The following NAF1 variants were observed in gnomAD, a reference collection of about 807,000 sequenced individuals.
The protein encoded by NAF1 is H/ACA ribonucleoprotein complex non-core subunit NAF1.
Under a neutral mutation model 40.6 loss-of-function variants are expected in NAF1, and 11 were observed. The ratio of observed to expected loss-of-function variants is 0.27; its 90% CI spans 0.17 to 0.45. The LOEUF (loss-of-function observed/expected upper bound fraction) is 0.45, where lower values mean the gene tolerates loss of function less well. NAF1 is among the 20% of genes least tolerant of loss of function. NAF1 has a pLI of 1.00. For missense variants in NAF1, 607 were observed against 611.1 expected (o/e 0.99, Z 0.07); for synonymous variants, 260 against 228.5 (o/e 1.14, Z -1.24).
chr4:163,117,742 C>T (rs1730392814), intron 2 of NAF1, among the ~76,000 whole-genome samples: 1 of 147,386 alleles, frequency 6.8e-6, no homozygotes, highest in African/African-American at 2.6e-5. Context: ...ATCCATTATT[C>T]GTTGCTATCT....
intron 2 of NAF1, among the ~76,000 whole-genome samples, chr4:163,116,398 C>T (rs567997899): frequency 6.6e-6 from 1 of 151,802 alleles, no homozygotes; most frequent in Non-Finnish European, 1.5e-5. Context: ...GTGTGTATGT[C>T]TGTGTGTGTG....
At chr4:163,119,015 TTATA>T (rs1730437728) in intron 2 of NAF1, among the ~76,000 whole-genome samples, 1 of 152,216 alleles carries the variant, frequency 6.6e-6, no homozygotes, top group Admixed American at 6.5e-5. Flanking sequence ...ACTATAAGAC[TTATA>T]TATAAACTTT....
At chr4:163,118,340 G>C (rs1365202679) in intron 2 of NAF1, among the ~76,000 whole-genome samples, 2 of 152,206 alleles carry the variant, frequency 1.3e-5, no homozygotes, top group African/African-American at 4.8e-5. Flanking sequence ...TACTTAAACA[G>C]AAAAGATGAT....
chr4:163,120,412 CTT>C (rs1730484245), intron 2 of NAF1, among the ~76,000 whole-genome samples: 1 of 152,150 alleles, frequency 6.6e-6, no homozygotes, highest in East Asian at 1.9e-4. Context: ...GGTCATATCT[CTT>C]GTTAGAAACA....
intron 2 of NAF1, among the ~76,000 whole-genome samples, chr4:163,163,161 G>A (rs1732295478): frequency 6.6e-6 from 1 of 152,112 alleles, no homozygotes; most frequent in Non-Finnish European, 1.5e-5. Context: ...GTTATGCTGG[G>A]AGCCTTTGTG....
intron 3 of NAF1, among the ~76,000 whole-genome samples, chr4:163,146,536 A>G (rs1259087289): frequency 1.3e-5 from 2 of 152,256 alleles, no homozygotes; most frequent in Non-Finnish European, 1.5e-5. Flanking sequence ...CATCAGAGCC[A>G]CAAGTAAGAA....
At chr4:163,126,849 C>T, downstream of NAF1, 1 of 1,324,740 alleles carries the variant, frequency 7.5e-7, no homozygotes, top group Admixed American at 3.0e-5. Context: ...CGGCCAACAG[C>T]ACTTGAGTCC....
the NAF1 span, among the ~76,000 whole-genome samples, chr4:163,104,627 GA>G: frequency 5.9e-5 from 9 of 152,242 alleles, no homozygotes; most frequent in Non-Finnish European, 8.8e-5. Context: ...TTATATTTAA[GA>G]AGACTCACCC....
Position 163,164,498 on chromosome 4 carries a change from C to A in NAF1, c.366-107G>T, listed in dbSNP as rs868851672. ...CAACTTTAATACAAGTTTACTATTG[C>A]TTATTCTAATATTAAAATAAGATTA... On this transcript the variant is annotated intron_variant, in intron 1 of 7. Coordinates refer to ENST00000274054, the MANE Select transcript of NAF1 (RefSeq NM_138386.3). 15 of 780,150 alleles carry A rather than the reference C, an allele frequency of 1.9e-5. No individual in the cohort carries two copies. In the Middle Eastern group the frequency reaches 4.5e-3, roughly 235 times the overall value. The allele number at this position is 780,150 out of a possible 1,614,324, so 48.3% of individuals were successfully genotyped here.
chr4:163,156,267 C>A (rs1449030708), intron 2 of NAF1, among the ~76,000 whole-genome samples: 1 of 119,024 alleles, frequency 8.4e-6, no homozygotes, highest in Non-Finnish European at 1.8e-5. Context: ...TACTAATAAA[C>A]TAAAAAAATT....
chr4:163,154,490 G>A (rs942064609), intron 2 of NAF1, among the ~76,000 whole-genome samples: 1 of 152,206 alleles, frequency 6.6e-6, no homozygotes, highest in Non-Finnish European at 1.5e-5. Flanking sequence ...AAATGAAGCA[G>A]TATATATTAA....
intron 3 of NAF1, among the ~76,000 whole-genome samples, chr4:163,147,460 T>C (rs554713127): frequency 9.2e-5 from 14 of 152,296 alleles, no homozygotes; most frequent in African/African-American, 3.1e-4. Context: ...AGTACCTATA[T>C]TAACAAGAAT....
chr4:163,142,660 TAGAC>T (rs759637780), intron 4 of NAF1, among the ~76,000 whole-genome samples: 14 of 152,198 alleles, frequency 9.2e-5, no homozygotes, highest in Non-Finnish European at 2.9e-5. Context: ...AGCCATACAA[TAGAC>T]AGTATGTGGC....
At chr4:163,142,507 G>C (rs938809960) in intron 4 of NAF1, among the ~76,000 whole-genome samples, 4 of 152,176 alleles carry the variant, frequency 2.6e-5, no homozygotes, top group Admixed American at 2.6e-4. Flanking sequence ...AAATATAAGT[G>C]ACATTCAAAA....
chr4:163,130,406 T>G (rs1056129800), intron 7 of NAF1, among the ~76,000 whole-genome samples: 12 of 152,142 alleles, frequency 7.9e-5, no homozygotes, highest in Non-Finnish European at 1.5e-4. Context: ...AAAGAACAAA[T>G]TGCAATTTTA....
intron 2 of NAF1, among the ~76,000 whole-genome samples, chr4:163,121,296 C>T (rs931514507): frequency 3.9e-5 from 6 of 152,096 alleles, no homozygotes; most frequent in Non-Finnish European, 8.8e-5. Flanking sequence ...CATTTCCATA[C>T]AGGATATTAT....
At chr4:163,150,075 G>C (rs1391106868) in intron 2 of NAF1, among the ~76,000 whole-genome samples, 3 of 152,058 alleles carry the variant, frequency 2.0e-5, no homozygotes, top group Non-Finnish European at 4.4e-5. Flanking sequence ...CTTTTGGATT[G>C]GGATAAAGCC....
In NAF1 at chr4:163,164,329, G is replaced by A; in HGVS notation, c.428C>T (p.Ser143Phe). The A allele has an allele frequency of 6.2e-7, 1 of 1,601,488 alleles. No homozygotes were observed. The change falls in exon 2 of 8, where the codon TCT (serine) becomes TTT (phenylalanine). Residue 143 changes from serine to phenylalanine, a missense_variant. Ser to Phe is a radical substitution (Grantham distance 155). Around this residue, in one of 3 missense-constraint regions of NAF1, gnomAD observed 407 missense variants for 365.5 expected, o/e 1.11. Transcript: ENST00000274054. Reference protein sequence around the residue: ...SSSSSSSSSSSSSCISLPPVL... With the variant: ...SSSSSSSSSSFSSCISLPPVL... ...TGGAGGAAGTGATATACAAGAGGAA[G>A]AAGACGACGATGAGGAAGATGAAGA...
downstream of NAF1, among the ~76,000 whole-genome samples, chr4:163,123,476 G>C (rs1170527469): frequency 1.3e-5 from 2 of 152,122 alleles, no homozygotes; most frequent in Non-Finnish European, 2.9e-5. Flanking sequence ...CAACCTCCTG[G>C]GTTCAAGTGA....
Sources: gnomAD v4.1 joint callset for allele counts (sites outside exome capture counted in the v4.1 genomes callset) on GRCh38, gnomAD v4.1.1 for gene constraint, gnomAD v4.1.1 regional missense constraint, MANE v1.5 for transcripts, NCBI Gene and HGNC (gene_info 2026-07-23, HGNC 2026-07-21) for gene names.